The following BCCIP variants were observed in gnomAD, a reference collection of about 807,000 sequenced individuals.
BCCIP encodes the protein BRCA2 and CDKN1A-interacting protein.
Under a neutral mutation model 32.8 loss-of-function variants are expected in BCCIP, and 23 were observed. The ratio of observed to expected loss-of-function variants is 0.70; its 90% CI spans 0.51 to 0.99. The LOEUF is 0.99. BCCIP is among the 50% of genes least tolerant of loss of function. The pLI is 0.00. For missense variants in BCCIP, 378 were observed against 379.8 expected, an observed-to-expected ratio of 1.00 and a Z score of 0.04; for synonymous variants, 144 against 137.6, an observed-to-expected ratio of 1.05 and a Z score of -0.33.
intron 1 of BCCIP, among the ~76,000 whole-genome samples, chr10:125,825,076 C>T (rs1854348929): frequency 6.6e-6 from 1 of 152,270 alleles, no homozygotes; most frequent in Admixed American, 6.5e-5. Flanking sequence ...AGAACTTTGA[C>T]TGGCTCTTTT....
intron 7 of BCCIP, among the ~76,000 whole-genome samples, chr10:125,848,402 A>C (rs1944050568): frequency 6.6e-6 from 1 of 152,220 alleles, no homozygotes. Flanking sequence ...CCAGGATACA[A>C]GAGGGCAGAC....
chr10:125,833,449 TC>T (rs1290576339), intron 5 of BCCIP, among the ~76,000 whole-genome samples: 2 of 152,186 alleles, frequency 1.3e-5, no homozygotes, highest in African/African-American at 2.4e-5. Context: ...AAATTCAGAT[TC>T]GTATATATTT....
In BCCIP at chr10:125,836,276, C is replaced by G. The variant is rs1236488272; in HGVS notation, c.*2C>G. ...CTGAAAGAATATCTATCTGTCTAAC[C>G]CATTTCCAATGGACAGTGATGGGCT... On this transcript the variant is annotated 3_prime_UTR_variant, in exon 7 of 7. Transcript: ENST00000278100. The G allele has an allele frequency of 1.2e-6, 2 of 1,614,168 alleles. No individual in the cohort carries two copies. The highest frequency in any genetic ancestry group is 1.7e-6 in the Non-Finnish European group (2 of 1,180,022).
chr10:125,836,753 T>C (rs761523347), downstream of BCCIP: 1 of 1,614,212 alleles, frequency 6.2e-7, no homozygotes, highest in Admixed American at 1.7e-5. Flanking sequence ...CCTTATTCAT[T>C]GTTGACACAG....
downstream of BCCIP, chr10:125,839,308 T>G (rs1458108709): frequency 2.4e-5 from 24 of 986,774 alleles, no homozygotes; most frequent in Admixed American, 1.6e-4. Context: ...GGAGGCCACG[T>G]AGGTGAGTGG....
intron 6 of BCCIP, 104 bp from the exon 7 acceptor site, chr10:125,836,000 C>T: frequency 9.6e-7 from 1 of 1,046,984 alleles, no homozygotes; most frequent in Non-Finnish European, 1.4e-6. Flanking sequence ...AGCTCTCATT[C>T]TTATTTAAGC....
intron 5 of BCCIP, 98 bp from the exon 6 acceptor site, chr10:125,833,674 C>A: frequency 8.5e-7 from 1 of 1,170,872 alleles, no homozygotes; most frequent in Non-Finnish European, 1.2e-6. Context: ...CACAGCAGAA[C>A]CCACTGAAGA....
downstream of BCCIP, among the ~76,000 whole-genome samples, chr10:125,846,753 G>A (rs114933234): frequency 0.014 from 2,095 of 152,244 alleles, 52 homozygotes; most frequent in African/African-American, 0.046. Context: ...CCAGTCACAG[G>A]GGACTGGTTC....
chr10:125,833,920 A>T lies in BCCIP; in HGVS notation c.748A>T (p.Asn250Tyr). ...AAAGAAAGCTGCGTTAATGTTTGCA[A>T]ATGCAGAGGAAGAATTTTTCTATGA... is the stretch of plus-strand genomic sequence containing the variant. ...NKKKAALMFA[N>Y]AEEEFFYEKA... is the part of the protein sequence containing the mutation. The change falls in exon 6 of 7, where the codon AAT (asparagine) becomes TAT (tyrosine). Residue 250 changes from asparagine (N) to tyrosine (Y), a missense_variant. Transcript: ENST00000278100. 1 of 1,614,252 alleles carries T rather than the reference A, an allele frequency of 6.2e-7. No homozygotes were observed. The highest frequency in any genetic ancestry group is 8.5e-7 in the Non-Finnish European group (1 of 1,180,050).
At position 125,826,448 on chromosome 10, in the gene BCCIP, C is replaced by T; in HGVS notation, c.166-143C>T. 5 of 1,317,812 alleles carry T rather than the reference C, an allele frequency of 3.8e-6. No individual in the cohort carries two copies. In the East Asian group the frequency reaches 1.4e-4, roughly 36 times the overall value. The allele number at this position is 1,317,812 out of a possible 1,614,324, so 81.6% of individuals were successfully genotyped here. On this transcript the variant is annotated intron_variant, in intron 1 of 6. Transcript: ENST00000278100. ...TAGGTTACTCTGAGTGTTTTGTTTT[C>T]TCAGGCTTTTGTGTCACCTGAAGAA...
At position 125,823,652 on chromosome 10, in the gene BCCIP, T is replaced by G. The variant is rs918241440; in HGVS notation, c.95T>G (p.Val32Gly). Residue 32 changes from valine (V) to glycine (G), a missense_variant, in exon 1 of 7, where the codon GTC becomes GGC. Transcript: ENST00000278100. Reference protein sequence around the residue: ...VQRDEEEEKEVENEDEDDDDS... With the variant: ...VQRDEEEEKEGENEDEDDDDS... Reference sequence around the variant, plus strand: ...CGCGACGAGGAAGAGGAAAAAGAAGTCGAAAATGAGGATGAAGACGATGAT... The same window carrying G: ...CGCGACGAGGAAGAGGAAAAAGAAGGCGAAAATGAGGATGAAGACGATGAT... The G allele has an allele frequency of 1.9e-6, 3 of 1,613,264 alleles. No homozygotes were observed. The highest frequency in any genetic ancestry group is 2.5e-6 in the Non-Finnish European group (3 of 1,179,826).
chr10:125,852,478 T>C (rs1944103618), intron 7 of BCCIP: 3 of 1,613,676 alleles, frequency 1.9e-6, no homozygotes, highest in African/African-American at 1.3e-5. Context: ...AAAATGGCTT[T>C]AATATTTCTG....
At chr10:125,852,714 A>G in intron 7 of BCCIP, 4 of 1,362,738 alleles carry the variant, frequency 2.9e-6, no homozygotes, top group Non-Finnish European at 4.0e-6. Flanking sequence ...TCCTGAAGAG[A>G]ATATGCTGCG....
chr10:125,823,606 C>A lies in BCCIP; in HGVS notation c.49C>A (p.Pro17Thr). 1 of 1,614,014 alleles carries A rather than the reference C, an allele frequency of 6.2e-7. No individual in the cohort carries two copies. The highest frequency in any genetic ancestry group is 8.5e-7 in the Non-Finnish European group (1 of 1,179,944). The change falls in exon 1 of 7, where the codon CCG becomes ACG. Residue 17 changes from proline (P) to threonine (T), a missense_variant. By Grantham distance (38) the Pro-to-Thr change is conservative. Coordinates refer to ENST00000278100, the MANE Select transcript of BCCIP (RefSeq NM_078468.3). ...TGCCGTGGAAAGTGGGGTTCCGCAGCCGCCGGATCCCCCAGTCCAGCGCGA... is the reference window on the plus strand; with the variant it reads ...TGCCGTGGAAAGTGGGGTTCCGCAGACGCCGGATCCCCCAGTCCAGCGCGA... ...RRAVESGVPQ[P>T]PDPPVQRDEE...
At chr10:125,848,630 G>A (rs1779942336) in intron 7 of BCCIP, among the ~76,000 whole-genome samples, 2 of 152,154 alleles carry the variant, frequency 1.3e-5, no homozygotes, top group Admixed American at 1.3e-4. Flanking sequence ...CCTGGCTCCG[G>A]CCCATCTCAG....
intron 5 of BCCIP, among the ~76,000 whole-genome samples, chr10:125,831,873 C>T (rs191703332): frequency 6.6e-6 from 1 of 152,218 alleles, no homozygotes; most frequent in African/African-American, 2.4e-5. Flanking sequence ...GACTTTGCAT[C>T]CCCATTTGAT....
chr10:125,830,138 C>A (rs1239739233), intron 3 of BCCIP, among the ~76,000 whole-genome samples: 1 of 152,194 alleles, frequency 6.6e-6, no homozygotes, highest in African/African-American at 2.4e-5. Flanking sequence ...TGAAACAATG[C>A]TGTGGGCCAG....
At position 125,830,642 on chromosome 10, in the gene BCCIP, TGAAA is replaced by T. The variant is rs1484173330; in HGVS notation, c.408_411del (p.Lys137ValfsTer32). 3 of 1,600,374 alleles carry T rather than the reference TGAAA, an allele frequency of 1.9e-6. No individual in the cohort carries two copies. The highest frequency in any genetic ancestry group is 2.6e-6 in the Non-Finnish European group (3 of 1,169,948). ...GTTTCATAAGCCTTTTAAATTTAAC[TGAAA>T]GAAAGGTTGGTTTCACTGGATGGCA... On this transcript the variant is annotated frameshift_variant, in exon 4 of 7. Transcript: ENST00000278100. LOFTEE classifies it high-confidence loss of function.
At chr10:125,834,086 A>AG in intron 6 of BCCIP, 140 bp downstream of exon 6, 1 of 883,088 alleles carries the variant, frequency 1.1e-6, no homozygotes, top group Admixed American at 2.4e-5. Context: ...CACAGGACCT[A>AG]GCAGCTAACA....
Sources: allele counts gnomAD v4.1 joint callset (sites outside exome capture counted in the v4.1 genomes callset), GRCh38; gene constraint gnomAD v4.1.1; transcripts MANE v1.5; gene names NCBI Gene and HGNC (gene_info 2026-07-23, HGNC 2026-07-21).